The following TMEM132D variants were observed in gnomAD, a reference collection of about 807,000 sequenced individuals.
TMEM132D encodes the protein transmembrane protein 132D.
Under a neutral mutation model 62.3 loss-of-function variants are expected in TMEM132D, and 21 were observed. That is an observed-to-expected ratio of 0.34 (90% CI 0.24 to 0.49). The LOEUF (loss-of-function observed/expected upper bound fraction) is 0.49. TMEM132D is among the 20% of genes least tolerant of loss of function. TMEM132D has a pLI of 0.99. For synonymous variants in TMEM132D, 621 were observed against 575.6 expected, an observed-to-expected ratio of 1.08 and a Z score of -1.13; for missense variants, 1,346 against 1,402.8, an observed-to-expected ratio of 0.96 and a Z score of 0.65.
chr12:129,133,915 C>G (rs114111671), intron 5 of TMEM132D, among the ~76,000 whole-genome samples: 1 of 152,198 alleles, frequency 6.6e-6, no homozygotes, highest in Non-Finnish European at 1.5e-5. Flanking sequence ...GTAGAATGCA[C>G]GCTTGGAGCT....
At chr12:129,112,003 T>A (rs1003456437) in intron 5 of TMEM132D, among the ~76,000 whole-genome samples, 5 of 152,222 alleles carry the variant, frequency 3.3e-5, no homozygotes, top group African/African-American at 7.2e-5. Flanking sequence ...CGTGACAGTG[T>A]CAGGGCTAGA....
At chr12:129,370,437 G>A (rs1442424526) in intron 3 of TMEM132D, among the ~76,000 whole-genome samples, 3 of 152,222 alleles carry the variant, frequency 2.0e-5, no homozygotes, top group African/African-American at 7.2e-5. Flanking sequence ...GTGAGGCTTG[G>A]TGGGAGGCGG....
In TMEM132D at chr12:129,700,505, A is replaced by T. The variant is rs2137227473; in HGVS notation, c.273T>A (p.Pro91=). ...SFLIYKSRRL[P]VLNASYGPFS... ...AAGGCCCGTAGCTGGCATTGAGGAC[A>T]GGCAGCCTCCTGGATTTGTAAATCA... Residue 91 remains proline (P), a synonymous_variant, in exon 2 of 9, where the codon CCT becomes CCA. Transcript: ENST00000422113. The T allele has an allele frequency of 6.2e-7, 1 of 1,614,174 alleles. No homozygotes were observed. The highest frequency in any genetic ancestry group is 8.5e-7 in the Non-Finnish European group (1 of 1,180,032).
At chr12:129,469,965 T>C (rs2137046351) in intron 3 of TMEM132D, among the ~76,000 whole-genome samples, 1 of 152,278 alleles carries the variant, frequency 6.6e-6, no homozygotes, top group South Asian at 2.1e-4. Context: ...TTGTAAGATA[T>C]GCTGAGTGGA....
At chr12:129,390,228 T>A (rs1448574728) in intron 3 of TMEM132D, among the ~76,000 whole-genome samples, 1 of 152,236 alleles carries the variant, frequency 6.6e-6, no homozygotes, top group Non-Finnish European at 1.5e-5. Context: ...CCGTCTTTTT[T>A]TGTGCCTGAA....
In TMEM132D at chr12:129,839,255, G is replaced by A. The variant is rs968644344; in HGVS notation, c.79+64006C>T. 3.4e-5 allele frequency among the ~76,000 whole-genome samples: 5 copies of A among 148,214 alleles called. No individual in the cohort carries two copies. The East Asian group carries it at 6.0e-4, about 18-fold the overall frequency. The stretch of plus-strand genomic sequence containing the variant: ...AGCAATTCTTCTGCCTCAGCCTCCC[G>A]AGCAGCTGGGATTACAGGTGTGTGC... On this transcript the variant is annotated intron_variant, in intron 1 of 8. Transcript: ENST00000422113.
chr12:129,350,935 C>T (rs1000435357), intron 3 of TMEM132D, among the ~76,000 whole-genome samples: 3 of 152,210 alleles, frequency 2.0e-5, no homozygotes, highest in African/African-American at 4.8e-5. Flanking sequence ...CAAATGACAG[C>T]TGTTCCAGTG....
At chr12:129,157,993 A>C (rs1013881535) in intron 5 of TMEM132D, among the ~76,000 whole-genome samples, 1 of 152,154 alleles carries the variant, frequency 6.6e-6, no homozygotes, top group Non-Finnish European at 1.5e-5. Flanking sequence ...ATGAGATGCG[A>C]GATAAAGTAG....
intron 2 of TMEM132D, among the ~76,000 whole-genome samples, chr12:129,589,292 T>C (rs1048720275): frequency 1.3e-5 from 2 of 152,184 alleles, no homozygotes; most frequent in African/African-American, 4.8e-5. Flanking sequence ...TTCTCCGTTG[T>C]CTGCTACCAT....
Position 129,244,365 on chromosome 12 carries a change from G to A in TMEM132D, c.1300-34702C>T, listed in dbSNP as rs1449972377. ...CGCGCCACTGCACTCCAGCCTGGGCGACAGAGCGAGACTCTGTCTCAAAAA... is the reference window on the plus strand; with the variant it reads ...CGCGCCACTGCACTCCAGCCTGGGCAACAGAGCGAGACTCTGTCTCAAAAA... On this transcript the variant is annotated intron_variant, in intron 4 of 8. Coordinates refer to ENST00000422113, the MANE Select transcript of TMEM132D (RefSeq NM_133448.3). 3.1e-5 allele frequency among the ~76,000 whole-genome samples: 4 copies of A among 128,928 alleles called. No homozygotes were observed. The Admixed American group carries it at 3.4e-4, about 11-fold the overall frequency. 84.6% of individuals were successfully genotyped at this position (128,928 alleles called of 152,430 possible). A position where few individuals can be genotyped will look rare whatever the true frequency, so the allele number is the denominator to read the frequency against.
chr12:129,216,307 G>T (rs1163948165), intron 4 of TMEM132D, among the ~76,000 whole-genome samples: 1 of 152,218 alleles, frequency 6.6e-6, no homozygotes, highest in Non-Finnish European at 1.5e-5. Flanking sequence ...TGACCATGGT[G>T]TGTTGAGTAC....
At chr12:129,517,157 G>A (rs1471601611) in intron 3 of TMEM132D, among the ~76,000 whole-genome samples, 1 of 152,090 alleles carries the variant, frequency 6.6e-6, no homozygotes, top group Non-Finnish European at 1.5e-5. Context: ...GTGAGGGTGG[G>A]AGTGGGAGTG....
Position 129,133,704 on chromosome 12 carries a change from G to A in TMEM132D, c.1444-49002C>T, listed in dbSNP as rs192909192. Among the ~76,000 whole-genome samples the A allele has an allele frequency of 2.4e-3, 372 of 152,288 alleles. 2 individuals are homozygous for A. Among genetic ancestry groups the A allele is most frequent in the African/African-American group, 8.4e-3 (350 of 41,544 alleles). ...CAGACATTCTGCTTTCCACTATTTA[G>A]CCCAGGAATTTGGTGTGTGGTGGGC... is the stretch of plus-strand genomic sequence containing the variant. On this transcript the variant is annotated intron_variant, in intron 5 of 8. Coordinates refer to ENST00000422113, the MANE Select transcript of TMEM132D (RefSeq NM_133448.3).
At chr12:129,801,105 G>A (rs1212619683) in intron 1 of TMEM132D, among the ~76,000 whole-genome samples, 1 of 152,206 alleles carries the variant, frequency 6.6e-6, no homozygotes, top group Non-Finnish European at 1.5e-5. Flanking sequence ...AGCAGTCTGA[G>A]ATCAAACTGC....
At chr12:129,654,457 A>G (rs1401026588) in intron 2 of TMEM132D, among the ~76,000 whole-genome samples, 3 of 152,126 alleles carry the variant, frequency 2.0e-5, no homozygotes, top group Non-Finnish European at 4.4e-5. Flanking sequence ...CTATAAATAG[A>G]TCTATGCTTT....
At chr12:129,291,336 G>A (rs1881441537) in intron 4 of TMEM132D, among the ~76,000 whole-genome samples, 1 of 152,088 alleles carries the variant, frequency 6.6e-6, no homozygotes, top group African/African-American at 2.4e-5. Context: ...AAGTAATTAT[G>A]GTGCAACTTC....
At chr12:129,101,562 G>A (rs1376069922) in intron 5 of TMEM132D, among the ~76,000 whole-genome samples, 1 of 152,130 alleles carries the variant, frequency 6.6e-6, no homozygotes, top group Non-Finnish European at 1.5e-5. Flanking sequence ...CTATCTACAA[G>A]AGGAAACTGA....
intron 5 of TMEM132D, among the ~76,000 whole-genome samples, chr12:129,123,436 A>T (rs575844555): frequency 6.6e-5 from 10 of 152,206 alleles, no homozygotes; most frequent in African/African-American, 2.2e-4. Context: ...TCAACTCCCA[A>T]AGAACCTGGG....
chr12:129,667,514 T>C (rs1246068713), intron 2 of TMEM132D, among the ~76,000 whole-genome samples: 3 of 152,148 alleles, frequency 2.0e-5, no homozygotes, highest in African/African-American at 4.8e-5. Context: ...TTTGGAGTTA[T>C]CATTTTGGCC....
Sources: gnomAD v4.1 joint callset for allele counts (sites outside exome capture counted in the v4.1 genomes callset) on GRCh38, gnomAD v4.1.1 for gene constraint, MANE v1.5 for transcripts, NCBI Gene and HGNC (gene_info 2026-07-23, HGNC 2026-07-21) for gene names.